Variants in HS6ST3 observed in about 807,000 individuals in gnomAD.
HS6ST3 encodes the protein heparan sulfate 6-O-sulfotransferase 3.
In HS6ST3, 12 loss-of-function variants were observed where a neutral mutation model predicts 36.7. That is an observed-to-expected ratio of 0.33 (90% CI 0.21 to 0.53). HS6ST3 has a LOEUF of 0.53. HS6ST3 is among the 20% of genes least tolerant of loss of function. The pLI is 0.95. For missense variants in HS6ST3, 584 were observed against 640.9 expected, an observed-to-expected ratio of 0.91 and a Z score of 0.96; for synonymous variants, 240 against 257.5, an observed-to-expected ratio of 0.93 and a Z score of 0.65.
chr13:96,222,857 G>T (rs972689016), intron 1 of HS6ST3, among the ~76,000 whole-genome samples: 2 of 152,168 alleles, frequency 1.3e-5, no homozygotes, highest in Non-Finnish European at 2.9e-5. Context: ...TTCAAGTTAG[G>T]ACTCTTTTGT....
intron 1 of HS6ST3, among the ~76,000 whole-genome samples, chr13:96,333,358 C>G (rs867185136): frequency 2.0e-5 from 3 of 152,308 alleles, no homozygotes; most frequent in Middle Eastern, 3.4e-3. Flanking sequence ...TGCTTGTGTT[C>G]TTTCCTGGAA....
At position 96,668,686 on chromosome 13, in the gene HS6ST3, C is replaced by CTTTT. The variant is rs146033180; in HGVS notation, c.708-163767_708-163764dup. On this transcript the variant is annotated intron_variant, in intron 1 of 1. Transcript: ENST00000376705. ...GGGAGCTGAGCACAGTAGTGCCAAC[C>CTTTT]TTTTTTTTTTTTTTTTTTTTTTTTT... Among the ~76,000 whole-genome samples the CTTTT allele has an allele frequency of 1.0e-3, 59 of 58,934 alleles. 1 individual carries two copies. Among genetic ancestry groups the CTTTT allele is most frequent in the African/African-American group, 1.5e-3 (22 of 14,806 alleles). The allele number at this position is 58,934 out of a possible 152,430, so 38.7% of individuals were successfully genotyped here. A position where few individuals can be genotyped will look rare whatever the true frequency, so the allele number is the denominator to read the frequency against.
At chr13:96,468,922 A>G (rs1397142665) in intron 1 of HS6ST3, among the ~76,000 whole-genome samples, 1 of 152,234 alleles carries the variant, frequency 6.6e-6, no homozygotes, top group Non-Finnish European at 1.5e-5. Flanking sequence ...GAAGCTAATA[A>G]ATAATTTCAG....
At chr13:96,107,133 G>C (rs913420541) in intron 1 of HS6ST3, among the ~76,000 whole-genome samples, 5 of 152,200 alleles carry the variant, frequency 3.3e-5, no homozygotes, top group African/African-American at 1.2e-4. Context: ...ATATGAGGTT[G>C]GGTGATACAC....
chr13:96,623,865 C>A (rs2056503510), intron 1 of HS6ST3, among the ~76,000 whole-genome samples: 1 of 152,126 alleles, frequency 6.6e-6, no homozygotes, highest in South Asian at 2.1e-4. Flanking sequence ...ATTACACATA[C>A]TTTAATTTAG....
intron 1 of HS6ST3, among the ~76,000 whole-genome samples, chr13:96,452,157 G>A (rs918969418): frequency 6.6e-6 from 1 of 152,120 alleles, no homozygotes; most frequent in African/African-American, 2.4e-5. Flanking sequence ...GTGTAATGCA[G>A]AATTAAATTT....
intron 1 of HS6ST3, among the ~76,000 whole-genome samples, chr13:96,812,103 C>T (rs1322635306): frequency 6.6e-6 from 1 of 152,172 alleles, no homozygotes; most frequent in East Asian, 1.9e-4. Context: ...CCCAACCTTG[C>T]ACTAGTTAAA....
chr13:96,092,573 C>G (rs1360604131), intron 1 of HS6ST3, among the ~76,000 whole-genome samples: 1 of 152,164 alleles, frequency 6.6e-6, no homozygotes, highest in Non-Finnish European at 1.5e-5. Context: ...GCTTGGAACA[C>G]TAGTTCATTG....
intron 1 of HS6ST3, among the ~76,000 whole-genome samples, chr13:96,119,951 A>C (rs914194499): frequency 1.3e-5 from 2 of 152,124 alleles, no homozygotes; most frequent in Non-Finnish European, 2.9e-5. Context: ...CTTCCAGAAA[A>C]TCAGTTGAAG....
intron 1 of HS6ST3, among the ~76,000 whole-genome samples, chr13:96,725,167 C>T (rs1875971147): frequency 6.6e-6 from 1 of 152,204 alleles, no homozygotes; most frequent in Non-Finnish European, 1.5e-5. Flanking sequence ...TTGCTCTTCA[C>T]ATCTCTTTAG....
chr13:96,441,063 A>G (rs1336129487), intron 1 of HS6ST3, among the ~76,000 whole-genome samples: 2 of 152,146 alleles, frequency 1.3e-5, no homozygotes, highest in Admixed American at 1.3e-4. Flanking sequence ...CCAGAGAGCT[A>G]GCTGGCTCTC....
chr13:96,186,166 G>T, intron 1 of HS6ST3, among the ~76,000 whole-genome samples: 1 of 151,914 alleles, frequency 6.6e-6, no homozygotes, highest in Non-Finnish European at 1.5e-5. Context: ...TTTTCTTAAG[G>T]CATCACCATT....
chr13:96,272,621 G>A (rs2054726711), intron 1 of HS6ST3, among the ~76,000 whole-genome samples: 1 of 152,012 alleles, frequency 6.6e-6, no homozygotes, highest in Non-Finnish European at 1.5e-5. Flanking sequence ...TAAATTCTAT[G>A]TAAGGGATAT....
At chr13:96,208,799 G>A (rs989237643) in intron 1 of HS6ST3, among the ~76,000 whole-genome samples, 6 of 152,166 alleles carry the variant, frequency 3.9e-5, no homozygotes, top group African/African-American at 1.2e-4. Context: ...GGTACGAGGT[G>A]AAAGAGAATT....
At chr13:96,576,303 T>C (rs2056321011) in intron 1 of HS6ST3, among the ~76,000 whole-genome samples, 1 of 152,120 alleles carries the variant, frequency 6.6e-6, no homozygotes, top group Non-Finnish European at 1.5e-5. Flanking sequence ...CTGCCACGTT[T>C]CCCTTGACAA....
At chr13:96,401,930 A>C (rs2055453898) in intron 1 of HS6ST3, among the ~76,000 whole-genome samples, 1 of 152,188 alleles carries the variant, frequency 6.6e-6, no homozygotes, top group Non-Finnish European at 1.5e-5. Flanking sequence ...TGTGAACTAA[A>C]TAGCTCATCA....
intron 1 of HS6ST3, among the ~76,000 whole-genome samples, chr13:96,499,423 T>C (rs898774499): frequency 7.9e-5 from 12 of 152,150 alleles, no homozygotes; most frequent in African/African-American, 2.4e-4. Context: ...AAAAGAGCCA[T>C]GAATCTCTAC....
At chr13:96,198,641 A>T (rs2054326364) in intron 1 of HS6ST3, among the ~76,000 whole-genome samples, 1 of 152,220 alleles carries the variant, frequency 6.6e-6, no homozygotes, top group Non-Finnish European at 1.5e-5. Context: ...TTGCTAAAAC[A>T]TAACAAGAGT....
intron 1 of HS6ST3, among the ~76,000 whole-genome samples, chr13:96,387,964 T>A (rs1216467906): frequency 6.6e-6 from 1 of 152,148 alleles, no homozygotes; most frequent in Non-Finnish European, 1.5e-5. Context: ...CCCTAGAGCC[T>A]CAGCAGTGGA....
Sources: allele counts gnomAD v4.1 joint callset (sites outside exome capture counted in the v4.1 genomes callset), GRCh38; gene constraint gnomAD v4.1.1; transcripts MANE v1.5; gene names NCBI Gene and HGNC (gene_info 2026-07-23, HGNC 2026-07-21).